RELN: variants seen among roughly 807,000 people sequenced by gnomAD.
RELN encodes reelin.
In RELN, 108 loss-of-function variants were observed where a neutral mutation model predicts 427.6. That is an observed-to-expected ratio of 0.25 (90% confidence interval 0.22 to 0.30). The LOEUF is 0.30. Ranked by LOEUF, RELN falls within the 10% of genes least tolerant of loss-of-function variation. RELN has a pLI of 1.00. For missense variants in RELN, 3,715 were observed against 4,302.8 expected, an observed-to-expected ratio of 0.86 and a Z score of 3.82; for synonymous variants, 1,524 against 1,513.4, an observed-to-expected ratio of 1.01 and a Z score of -0.16.
intron 4 of RELN, among the ~76,000 whole-genome samples, chr7:103,770,608 T>C (rs1483179372): frequency 6.6e-6 from 1 of 151,966 alleles, no homozygotes; most frequent in Non-Finnish European, 1.5e-5. Context: ...AAATCCAGAA[T>C]CCTTTCCTCT....
intron 1 of RELN, among the ~76,000 whole-genome samples, chr7:103,975,096 G>T (rs892622833): frequency 6.6e-6 from 1 of 152,180 alleles, no homozygotes; most frequent in African/African-American, 2.4e-5. Context: ...ACGGTTTTCA[G>T]ACTTTCTTTT....
At chr7:103,869,608 T>C (rs1366230618) in intron 2 of RELN, among the ~76,000 whole-genome samples, 1 of 152,118 alleles carries the variant, frequency 6.6e-6, no homozygotes, top group African/African-American at 2.4e-5. Context: ...CTTCCATTGT[T>C]TCTGATACGA....
chr7:103,565,038 T>C (rs1418500059), intron 34 of RELN, among the ~76,000 whole-genome samples: 1 of 152,190 alleles, frequency 6.6e-6, no homozygotes, highest in African/African-American at 2.4e-5. Context: ...AAATGGAATC[T>C]GGTGGGCAGC....
chr7:103,523,188 A>G (rs1829748675), intron 47 of RELN, among the ~76,000 whole-genome samples: 1 of 152,244 alleles, frequency 6.6e-6, no homozygotes, highest in African/African-American at 2.4e-5. Flanking sequence ...CTGACAAGAT[A>G]GCTATTGTTC....
rs549714500 is a variant in RELN, at chr7:103,644,016, A to G, written c.2003-3407T>C. ...ACTACACTAAGGATATCTATAACCA[A>G]TGAACTCATAGAGAGTCTTTGCCAC... On this transcript the variant is annotated intron_variant, in intron 16 of 64. Transcript: ENST00000428762. 2.9e-4 allele frequency among the ~76,000 whole-genome samples: 44 copies of G among 152,106 alleles called. No homozygotes were observed. In the South Asian group the frequency reaches 7.7e-3, roughly 27 times the overall value.
At chr7:103,987,086 A>C (rs1279240338) in intron 1 of RELN, among the ~76,000 whole-genome samples, 4 of 150,760 alleles carry the variant, frequency 2.7e-5, no homozygotes, top group Admixed American at 6.9e-5. Flanking sequence ...AAAAAAAAAA[A>C]AAAAACTCTT....
At chr7:103,614,430 A>G (rs186364287) in intron 20 of RELN, among the ~76,000 whole-genome samples, 95 of 152,356 alleles carry the variant, frequency 6.2e-4, no homozygotes, top group African/African-American at 2.2e-3. Context: ...GGCTTTCATT[A>G]TAAGTGTTTT....
In RELN at chr7:103,542,569, A is replaced by C. The variant is rs60512397; in HGVS notation, c.6671+162T>G. ...CTCTTTCAATTTTAGAATAGAAATT[A>C]TGTAACTTGTGTCTTCCTGAAAGCT... On this transcript the variant is annotated intron_variant, in intron 43 of 64. Transcript: ENST00000428762. Among the ~76,000 whole-genome samples the C allele has an allele frequency of 0.011, 1,690 of 152,318 alleles. 30 individuals carry two copies. The highest frequency in any genetic ancestry group is 0.038 in the African/African-American group (1,600 of 41,564).
intron 3 of RELN, among the ~76,000 whole-genome samples, chr7:103,793,770 G>A (rs1792225541): frequency 6.6e-6 from 1 of 152,102 alleles, no homozygotes; most frequent in African/African-American, 2.4e-5. Flanking sequence ...TTGCTAAACA[G>A]AAGGTTGTTT....
intron 1 of RELN, among the ~76,000 whole-genome samples, chr7:103,932,574 C>T (rs1235357304): frequency 6.6e-6 from 1 of 152,206 alleles, no homozygotes; most frequent in African/African-American, 2.4e-5. Context: ...GGCAACCATG[C>T]TGATTGGCAG....
At chr7:103,484,829 C>T (rs1291870275) in intron 61 of RELN, among the ~76,000 whole-genome samples, 1 of 152,062 alleles carries the variant, frequency 6.6e-6, no homozygotes, top group African/African-American at 2.4e-5. Context: ...ACAAATAGCT[C>T]CAAGCTGAAC....
At chr7:103,589,856 C>T (rs750928747) in intron 27 of RELN, 28 bp from the exon 28 acceptor site, 1 of 1,483,724 alleles carries the variant, frequency 6.7e-7, no homozygotes, top group Non-Finnish European at 9.4e-7. Flanking sequence ...AAGAATTATA[C>T]AAGATTTTGG....
At chr7:103,720,907 C>G (rs976077284) in intron 8 of RELN, among the ~76,000 whole-genome samples, 3 of 152,232 alleles carry the variant, frequency 2.0e-5, no homozygotes, top group East Asian at 3.9e-4. Context: ...GCCCGCTATA[C>G]GGTATTCACC....
chr7:103,971,264 T>C (rs911711880), intron 1 of RELN, among the ~76,000 whole-genome samples: 3 of 151,790 alleles, frequency 2.0e-5, no homozygotes, highest in African/African-American at 2.4e-5. Context: ...GCTCATTCCA[T>C]ATAAACGAAA....
rs751977790 is a variant in RELN, at chr7:103,661,538, A to G, written c.1290-11T>C. 1.2e-5 allele frequency: 19 copies of G among 1,610,298 alleles called. No individual in the cohort carries two copies. Among genetic ancestry groups the G allele is most frequent in the African/African-American group, 1.1e-4 (8 of 74,846 alleles). On this transcript the variant is annotated splice_polypyrimidine_tract_variant and intron_variant, in intron 11 of 64. Coordinates refer to ENST00000428762, the MANE Select transcript of RELN (RefSeq NM_005045.4). ...CCCAAGACATCCCATCTAAAAAAAA[A>G]GGGGGATTAAGAGTTAGAGTTAGAA...
At chr7:103,768,635 T>G (rs908987630) in intron 4 of RELN, among the ~76,000 whole-genome samples, 1 of 152,228 alleles carries the variant, frequency 6.6e-6, no homozygotes. Context: ...AAACATTTAC[T>G]GAGTCTATGT....
intron 8 of RELN, among the ~76,000 whole-genome samples, chr7:103,702,372 C>A (rs1834112129): frequency 6.6e-6 from 1 of 152,210 alleles, no homozygotes; most frequent in Non-Finnish European, 1.5e-5. Context: ...TTATGTCTTA[C>A]ACACCATAAC....
chr7:103,971,945 C>A (rs1350730247), intron 1 of RELN, among the ~76,000 whole-genome samples: 1 of 150,766 alleles, frequency 6.6e-6, no homozygotes, highest in Non-Finnish European at 1.5e-5. Flanking sequence ...TGGTGGCCTG[C>A]CCCTGTAATC....
intron 3 of RELN, among the ~76,000 whole-genome samples, chr7:103,833,292 T>C (rs1793319621): frequency 6.6e-6 from 1 of 152,194 alleles, no homozygotes; most frequent in African/African-American, 2.4e-5. Context: ...ACTTTTATTT[T>C]ATTCTGTATT....
Sources: gnomAD v4.1 joint callset for allele counts (sites outside exome capture counted in the v4.1 genomes callset) on GRCh38, gnomAD v4.1.1 for gene constraint, MANE v1.5 for transcripts, NCBI Gene and HGNC (gene_info 2026-07-23, HGNC 2026-07-21) for gene names.